The following FRMD6 variants were observed in gnomAD, a reference collection of about 807,000 sequenced individuals.
FRMD6 encodes the protein FERM domain containing 6.
A neutral mutation model predicts 73.2 loss-of-function variants in FRMD6; 37 were observed. The ratio of observed to expected loss-of-function variants is 0.51; its 90% confidence interval spans 0.39 to 0.66. The LOEUF (loss-of-function observed/expected upper bound fraction) is 0.66. FRMD6 is among the 30% of genes least tolerant of loss of function. FRMD6 has a pLI of 0.00. For missense variants in FRMD6, 714 were observed against 780.5 expected (o/e 0.91, Z 1.02); for synonymous variants, 273 against 282.2 (o/e 0.97, Z 0.33).
At chr14:51,675,008 T>C (rs1254823746) in intron 1 of FRMD6, among the ~76,000 whole-genome samples, 1 of 152,192 alleles carries the variant, frequency 6.6e-6, no homozygotes, top group Admixed American at 6.6e-5. Context: ...TTGTATATTA[T>C]TTCAAAACTC....
chr14:51,451,018 G>T, the FRMD6 span, among the ~76,000 whole-genome samples: 1 of 152,192 alleles, frequency 6.6e-6, no homozygotes, highest in African/African-American at 2.4e-5. Context: ...CCTCCTGCAG[G>T]TAATGACGTG....
chr14:51,439,607 A>C, the FRMD6 span, among the ~76,000 whole-genome samples: 1 of 152,174 alleles, frequency 6.6e-6, no homozygotes, highest in South Asian at 2.1e-4. Context: ...TAACGTGTTC[A>C]CTAGGTCACA....
intron 1 of FRMD6, among the ~76,000 whole-genome samples, chr14:51,497,010 C>G (rs919964099): frequency 6.6e-6 from 1 of 152,166 alleles, no homozygotes; most frequent in Non-Finnish European, 1.5e-5. Flanking sequence ...AAACCATACA[C>G]CCACCATACA....
chr14:51,506,898 A>G (rs1034584945), intron 1 of FRMD6, among the ~76,000 whole-genome samples: 76 of 152,320 alleles, frequency 5.0e-4, no homozygotes, highest in African/African-American at 1.8e-3. Flanking sequence ...TTTGTGATGC[A>G]TCGTAGAATG....
chr14:51,610,718 A>G (rs529705992), intron 2 of FRMD6, among the ~76,000 whole-genome samples: 1 of 152,332 alleles, frequency 6.6e-6, no homozygotes, highest in Admixed American at 6.5e-5. Context: ...AAGGGAAATA[A>G]TACTATAACT....
At chr14:51,535,823 G>A (rs10143259) in intron 1 of FRMD6, among the ~76,000 whole-genome samples, 17,264 of 151,706 alleles carry the variant, frequency 0.11, 1,291 homozygotes, top group East Asian at 0.24. Flanking sequence ...AAGGTATGAG[G>A]GTTCCAATTT....
At chr14:51,609,961 A>G (rs1338146823) in intron 2 of FRMD6, among the ~76,000 whole-genome samples, 1 of 152,170 alleles carries the variant, frequency 6.6e-6, no homozygotes, top group Non-Finnish European at 1.5e-5. Flanking sequence ...GAAAGTTTTT[A>G]AGCAGGAATA....
chr14:51,456,308 C>T, the FRMD6 span, among the ~76,000 whole-genome samples: 10 of 152,236 alleles, frequency 6.6e-5, no homozygotes, highest in Middle Eastern at 3.4e-3. Flanking sequence ...CCTAGCCCCT[C>T]GCCCCCTGAC....
chr14:51,682,569 G>A (rs559875971), intron 1 of FRMD6, among the ~76,000 whole-genome samples: 1 of 152,238 alleles, frequency 6.6e-6, no homozygotes, highest in African/African-American at 2.4e-5. Flanking sequence ...AATTTCTATG[G>A]ATGGTTTCTG....
At chr14:51,419,694 T>C in the FRMD6 span, among the ~76,000 whole-genome samples, 1 of 152,226 alleles carries the variant, frequency 6.6e-6, no homozygotes, top group Non-Finnish European at 1.5e-5. Context: ...CTGAAATTAG[T>C]AGAATGAGTT....
intron 1 of FRMD6, among the ~76,000 whole-genome samples, chr14:51,507,396 A>G (rs1006225917): frequency 2.0e-5 from 3 of 152,140 alleles, no homozygotes; most frequent in Middle Eastern, 3.4e-3. Flanking sequence ...CCCAAAAGGC[A>G]TGAGTCCCAT....
chr14:51,712,439 C>T (rs527954318), intron 8 of FRMD6, 44 bp from the exon 9 acceptor site: 3 of 1,179,576 alleles, frequency 2.5e-6, no homozygotes, highest in East Asian at 4.7e-5. Context: ...TTTACAGTAT[C>T]TATCATTTTT....
intron 2 of FRMD6, among the ~76,000 whole-genome samples, chr14:51,600,685 A>T (rs1245480518): frequency 1.3e-5 from 2 of 152,232 alleles, no homozygotes; most frequent in Non-Finnish European, 2.9e-5. Context: ...CCCAGAATTT[A>T]TTTTTGGCCT....
intron 1 of FRMD6, among the ~76,000 whole-genome samples, chr14:51,518,543 G>A (rs1174157532): frequency 3.3e-5 from 5 of 152,118 alleles, no homozygotes; most frequent in East Asian, 1.9e-4. Context: ...GTGAGAAAAC[G>A]CATATGACAC....
chr14:51,500,673 T>G (rs1883567066), intron 1 of FRMD6, among the ~76,000 whole-genome samples: 1 of 152,222 alleles, frequency 6.6e-6, no homozygotes, highest in African/African-American at 2.4e-5. Context: ...ATCATTAATG[T>G]GTCTTCAGTT....
At chr14:51,409,110 A>G in the FRMD6 span, among the ~76,000 whole-genome samples, 1 of 152,094 alleles carries the variant, frequency 6.6e-6, no homozygotes, top group African/African-American at 2.4e-5. Context: ...GGGCAGGTTT[A>G]TTTTTAGTCT....
chr14:51,618,438 A>G (rs560200107), intron 2 of FRMD6, among the ~76,000 whole-genome samples: 2 of 152,326 alleles, frequency 1.3e-5, no homozygotes, highest in South Asian at 4.1e-4. Context: ...GGTTGCTTTG[A>G]GCAGAACAGA....
chr14:51,453,943 C>T, the FRMD6 span, among the ~76,000 whole-genome samples: 1 of 152,190 alleles, frequency 6.6e-6, no homozygotes, highest in African/African-American at 2.4e-5. Context: ...CCATTCAAAG[C>T]CCACTGGAGA....
chr14:51,594,707 C>T (rs1005334752), intron 2 of FRMD6, among the ~76,000 whole-genome samples: 1 of 152,200 alleles, frequency 6.6e-6, no homozygotes, highest in Non-Finnish European at 1.5e-5. Context: ...AGGCGATCCA[C>T]CTGCCTTGGC....
Sources: allele counts gnomAD v4.1 joint callset (sites outside exome capture counted in the v4.1 genomes callset), GRCh38; gene constraint gnomAD v4.1.1; transcripts MANE v1.5; gene names NCBI Gene and HGNC (gene_info 2026-07-23, HGNC 2026-07-21).